PIK3R4: variants seen among roughly 807,000 people sequenced by gnomAD.
The protein encoded by PIK3R4 is phosphoinositide-3-kinase regulatory subunit 4.
A neutral mutation model predicts 136.5 loss-of-function variants in PIK3R4; 46 were observed. The observed-to-expected ratio is 0.34, with a 90% CI of 0.27 to 0.43. PIK3R4 has a LOEUF of 0.43. Among genes scored for constraint, PIK3R4 ranks in the 20% least tolerant of loss-of-function variants. The pLI is 1.00. For synonymous variants in PIK3R4, 557 were observed against 566.7 expected (o/e 0.98, Z 0.24); for missense variants, 1,331 against 1,649.5 (o/e 0.81, Z 3.35).
chr3:130,681,616 T>TTGAC, intron 16 of PIK3R4, 25 bp from the exon 17 acceptor site: 1 of 1,387,988 alleles, frequency 7.2e-7, no homozygotes, highest in African/African-American at 1.4e-5. Flanking sequence ...GGCCAGAATC[T>TTGAC]TGACTCAGAC....
intron 7 of PIK3R4, among the ~76,000 whole-genome samples, chr3:130,718,883 C>T (rs750650860): frequency 2.0e-5 from 3 of 152,272 alleles, no homozygotes; most frequent in Middle Eastern, 3.4e-3. Flanking sequence ...CAAGTCCCAA[C>T]AGCATATAGC....
At chr3:130,692,231 T>C (rs909557820) in intron 13 of PIK3R4, among the ~76,000 whole-genome samples, 1 of 152,152 alleles carries the variant, frequency 6.6e-6, no homozygotes, top group African/African-American at 2.4e-5. Context: ...CCATAGATTT[T>C]AAAGTGCATA....
chr3:130,712,093 T>C (rs1212285911), intron 9 of PIK3R4, among the ~76,000 whole-genome samples: 1 of 152,194 alleles, frequency 6.6e-6, no homozygotes, highest in Non-Finnish European at 1.5e-5. Flanking sequence ...TGATTTAAGT[T>C]CTACTGAAAA....
In PIK3R4 at chr3:130,680,628, G is replaced by T; in HGVS notation, c.3891C>A (p.Gly1297=). The T allele has an allele frequency of 6.3e-7, 1 of 1,596,328 alleles. No individual in the cohort carries two copies. The highest frequency in any genetic ancestry group is 8.6e-7 in the Non-Finnish European group (1 of 1,164,346). The change falls in exon 19 of 20, where the codon GGC becomes GGA. Residue 1297 remains glycine (G), a synonymous_variant. Transcript: ENST00000356763. The stretch of plus-strand genomic sequence containing the variant: ...ACTACAGTACCTGGACAACTTCAGT[G>T]CCTTCAATTATTTTCCTGTAGTAGG... The part of the protein sequence containing the change: ...SVSYYRKIIE[G]TEVVQEIQNK...
chr3:130,734,166 T>A, intron 3 of PIK3R4, 36 bp from the exon 4 acceptor site: 7 of 1,517,008 alleles, frequency 4.6e-6, no homozygotes, highest in Non-Finnish European at 5.4e-6. Flanking sequence ...AAAATAGATT[T>A]GAGAATAGAA....
chr3:130,739,518 T>C (rs964585819), intron 2 of PIK3R4, among the ~76,000 whole-genome samples: 11 of 151,976 alleles, frequency 7.2e-5, no homozygotes, highest in Non-Finnish European at 1.3e-4. Flanking sequence ...ACTACAGGTG[T>C]ACACCACCAC....
chr3:130,695,172 A>G (rs1170853369), intron 13 of PIK3R4, among the ~76,000 whole-genome samples: 3 of 152,094 alleles, frequency 2.0e-5, no homozygotes, highest in African/African-American at 7.2e-5. Context: ...TTAGTTTACT[A>G]TTATTTTGTG....
intron 10 of PIK3R4, 49 bp downstream of exon 10, chr3:130,708,242 G>A: frequency 6.9e-7 from 1 of 1,446,076 alleles, no homozygotes; most frequent in South Asian, 1.2e-5. Flanking sequence ...ACAGTCTTAT[G>A]AAATAACTAA....
intron 13 of PIK3R4, among the ~76,000 whole-genome samples, chr3:130,701,793 T>A (rs1417982486): frequency 6.6e-6 from 1 of 152,014 alleles, no homozygotes; most frequent in Non-Finnish European, 1.5e-5. Flanking sequence ...CATGCTGAAC[T>A]TTTTAGAGGG....
intron 17 of PIK3R4, 44 bp downstream of exon 17, chr3:130,681,447 G>T: frequency 3.4e-6 from 4 of 1,171,892 alleles, no homozygotes; most frequent in Non-Finnish European, 5.1e-6. Context: ...TACTTAGGAT[G>T]TGGGGAATAA....
chr3:130,685,787 C>G (rs940854074), intron 15 of PIK3R4, among the ~76,000 whole-genome samples: 1 of 152,102 alleles, frequency 6.6e-6, no homozygotes, highest in African/African-American at 2.4e-5. Flanking sequence ...AAAGGATTAG[C>G]CCCATTTGAA....
intron 13 of PIK3R4, 147 bp downstream of exon 13, chr3:130,703,576 A>G: frequency 1.6e-6 from 1 of 615,288 alleles, no homozygotes; most frequent in East Asian, 2.7e-5. Context: ...TTTCCACTAG[A>G]AGGTAAACTC....
rs570919545 is a variant in PIK3R4 at position 130,680,689 on chromosome 3, T to C, written c.3830A>G (p.Tyr1277Cys). Residue 1277 changes from tyrosine to cysteine, a missense_variant, in exon 19 of 20, where the codon TAT becomes TGT. Tyr to Cys is a radical substitution (Grantham distance 194). This residue lies in a region of PIK3R4 where 1,180 missense variants were observed against 1,407.0 expected (regional missense o/e 0.84). Transcript: ENST00000356763. ...FWDLAYPERSYVVAGSTSSPS... is the reference protein window; with the variant it reads ...FWDLAYPERSCVVAGSTSSPS... ...GGAACTAGTACTTCCTGCAACAACA[T>C]AGGACCTTTCTGGGTAAGCCAAGTC... The C allele has an allele frequency of 2.4e-5, 38 of 1,612,824 alleles. No individual in the cohort carries two copies. The South Asian group carries it at 3.6e-4, about 15-fold the overall frequency.
At chr3:130,728,379 A>C (rs2066744422) in intron 6 of PIK3R4, 84 bp downstream of exon 6, 1 of 727,672 alleles carries the variant, frequency 1.4e-6, no homozygotes, top group South Asian at 2.1e-5. Flanking sequence ...GAAATTTGGT[A>C]GTATCATCTA....
chr3:130,681,659 A>C, intron 16 of PIK3R4, 68 bp from the exon 17 acceptor site: 1 of 910,964 alleles, frequency 1.1e-6, no homozygotes, highest in South Asian at 1.4e-5. Flanking sequence ...AACAAAACAA[A>C]TTGCAGTCCT....
intron 15 of PIK3R4, 89 bp from the exon 16 acceptor site, chr3:130,684,470 T>C: frequency 4.2e-6 from 5 of 1,195,398 alleles, no homozygotes; most frequent in Non-Finnish European, 5.9e-6. Context: ...TATTAGCTTT[T>C]TATGAATTTA....
rs1429610424 is a variant in PIK3R4, at chr3:130,733,787, T to A, written c.1211A>T (p.His404Leu). The A allele has an allele frequency of 1.2e-6, 2 of 1,614,136 alleles. No homozygotes were observed. ...TTCAACACTTAATCTTGGAGCCAAA[T>A]GAAGAATCAGTTCCAAAGCAGCTAG... ...SKLAALELILHLAPRLSVEIL... is the reference protein window; with the variant it reads ...SKLAALELILLLAPRLSVEIL... The change falls in exon 4 of 20, where the codon CAT becomes CTT. Residue 404 changes from histidine to leucine, a missense_variant. Physicochemically the swap from His to Leu is moderately conservative, Grantham distance 99. Around this residue, in one of 2 missense-constraint regions of PIK3R4, gnomAD observed 1,180 missense variants for 1,407.0 expected, o/e 0.84. Transcript: ENST00000356763.
chr3:130,723,292 A>T (rs1390909019), intron 7 of PIK3R4, 122 bp downstream of exon 7: 3 of 797,896 alleles, frequency 3.8e-6, no homozygotes, highest in Non-Finnish European at 5.9e-6. Context: ...CACCCACACA[A>T]TCAATAGTAG....
At chr3:130,690,397 A>T in intron 14 of PIK3R4, 93 bp downstream of exon 14, 1 of 599,194 alleles carries the variant, frequency 1.7e-6, no homozygotes, top group Non-Finnish European at 2.7e-6. Context: ...AGAGGCCCTT[A>T]GTTGATCCCA....
Sources: gnomAD v4.1 joint callset for allele counts (sites outside exome capture counted in the v4.1 genomes callset) on GRCh38, gnomAD v4.1.1 for gene constraint, gnomAD v4.1.1 regional missense constraint, MANE v1.5 for transcripts, NCBI Gene and HGNC (gene_info 2026-07-23, HGNC 2026-07-21) for gene names.